Variants in FAM107B observed in about 807,000 individuals in gnomAD.
FAM107B encodes family with sequence similarity 107 member B.
A neutral mutation model predicts 31.5 loss-of-function variants in FAM107B; 21 were observed. That is an observed-to-expected ratio of 0.67 (90% confidence interval 0.47 to 0.96). The LOEUF (loss-of-function observed/expected upper bound fraction) is 0.96, where lower values mean the gene tolerates loss of function less well. Among genes scored for constraint, FAM107B ranks in the 40% least tolerant of loss-of-function variants. The pLI, the probability that FAM107B is intolerant of heterozygous loss-of-function variation, is 0.00. For synonymous variants in FAM107B, 157 were observed against 141.5 expected, an observed-to-expected ratio of 1.11 and a Z score of -0.78; for missense variants, 452 against 377.1, an observed-to-expected ratio of 1.20 and a Z score of -1.64.
At chr10:14,762,752 TCTCACACACACACACACA>T (rs1253885580) in intron 1 of FAM107B, among the ~76,000 whole-genome samples, 11 of 117,578 alleles carry the variant, frequency 9.4e-5, no homozygotes, top group East Asian at 4.6e-4. Flanking sequence ...TGAAACTCTG[TCTCACACACACACACACA>T]CACACACACA....
chr10:14,570,233 G>GGGGTGTGTGTGTGTGTGTGTGTGT (rs1554835078), intron 2 of FAM107B, among the ~76,000 whole-genome samples: 46 of 140,426 alleles, frequency 3.3e-4, no homozygotes, highest in Middle Eastern at 7.2e-3. Context: ...AAATGTGGTG[G>GGGGTGTGTGTGTGTGTGTGTGTGT]GTGTGTGTGT....
chr10:14,598,127 C>T (rs985803925), intron 2 of FAM107B, among the ~76,000 whole-genome samples: 2 of 152,162 alleles, frequency 1.3e-5, no homozygotes, highest in African/African-American at 4.8e-5. Flanking sequence ...CCACAGGTTG[C>T]CTTTTCACTC....
intron 2 of FAM107B, among the ~76,000 whole-genome samples, chr10:14,629,502 ATT>A (rs1491483200): frequency 2.6e-5 from 3 of 116,180 alleles, no homozygotes; most frequent in African/African-American, 3.5e-5. Context: ...ATATATATAT[ATT>A]TAATATATAT....
chr10:14,548,375 CA>C (rs1413059318), intron 2 of FAM107B: 3 of 974,578 alleles, frequency 3.1e-6, no homozygotes, highest in East Asian at 1.1e-4. Flanking sequence ...CTGCCAGCTC[CA>C]GGGGAGGTAC....
In FAM107B at chr10:14,715,683, A is replaced by G. The variant is rs537727870; in HGVS notation, c.412-47992T>C. ...AGAACAGAAAGGTGGAGGAAGGGGG[A>G]ATTGACTCGCTCTTCTTGAGCTAGG... is the stretch of plus-strand genomic sequence containing the variant. On this transcript the variant is annotated intron_variant, in intron 1 of 4. Coordinates refer to ENST00000181796, the MANE Select transcript of FAM107B (RefSeq NM_031453.4). Among the ~76,000 whole-genome samples the G allele has an allele frequency of 4.6e-5, 7 of 152,226 alleles. No homozygotes were observed. In the South Asian group the frequency reaches 1.5e-3, roughly 32 times the overall value.
intron 1 of FAM107B, among the ~76,000 whole-genome samples, chr10:14,767,079 G>T (rs868856426): frequency 4.1e-5 from 4 of 97,314 alleles, no homozygotes. Context: ...GAGAGAGAGA[G>T]AGAGAGAGAG....
intron 2 of FAM107B, among the ~76,000 whole-genome samples, chr10:14,580,416 C>T (rs955945792): frequency 6.6e-6 from 1 of 151,882 alleles, no homozygotes; most frequent in Non-Finnish European, 1.5e-5. Context: ...AAGTGGTACA[C>T]ACAAGGGCTA....
intron 2 of FAM107B, among the ~76,000 whole-genome samples, chr10:14,594,321 A>G (rs1852111297): frequency 6.6e-6 from 1 of 152,118 alleles, no homozygotes; most frequent in Non-Finnish European, 1.5e-5. Context: ...ACCGGGCAAC[A>G]GAACAAGACT....
At chr10:14,768,941 C>A (rs1378810747) in intron 1 of FAM107B, among the ~76,000 whole-genome samples, 1 of 152,122 alleles carries the variant, frequency 6.6e-6, no homozygotes, top group Non-Finnish European at 1.5e-5. Context: ...CCTTGATGCT[C>A]CAACCTTCCT....
At chr10:14,537,727 C>T (rs1442741928) in intron 2 of FAM107B, among the ~76,000 whole-genome samples, 1 of 150,160 alleles carries the variant, frequency 6.7e-6, no homozygotes, top group Non-Finnish European at 1.5e-5. Context: ...ACCAGCTACT[C>T]GGGAGGCTGA....
In FAM107B at chr10:14,713,525, T is replaced by C. The variant is rs150755627; in HGVS notation, c.412-45834A>G. Among the ~76,000 whole-genome samples the C allele has an allele frequency of 8.8e-4, 134 of 152,198 alleles. 1 individual carries two copies. The East Asian group carries it at 0.012, about 14-fold the overall frequency. On this transcript the variant is annotated intron_variant, in intron 1 of 4. Coordinates refer to ENST00000181796, the MANE Select transcript of FAM107B (RefSeq NM_031453.4). ...GCGGAAAACTGAGCTGAGGGAGAAATAGACACTGGAGTTCTCTTTTCCCTA... is the reference window on the plus strand; with the variant it reads ...GCGGAAAACTGAGCTGAGGGAGAAACAGACACTGGAGTTCTCTTTTCCCTA...
intron 2 of FAM107B, among the ~76,000 whole-genome samples, chr10:14,618,785 C>T (rs1236359931): frequency 2.6e-5 from 4 of 151,950 alleles, no homozygotes; most frequent in East Asian, 1.9e-4. Flanking sequence ...TGCAGTGAGC[C>T]GAGATGATGC....
chr10:14,681,754 G>A (rs1854841229), intron 1 of FAM107B, among the ~76,000 whole-genome samples: 1 of 152,172 alleles, frequency 6.6e-6, no homozygotes, highest in Non-Finnish European at 1.5e-5. Flanking sequence ...GTGTCCAAAA[G>A]CAGAGGAGCA....
intron 2 of FAM107B, among the ~76,000 whole-genome samples, chr10:14,643,410 AT>A (rs202127820): frequency 0.11 from 15,746 of 140,090 alleles, 828 homozygotes; most frequent in East Asian, 0.14. Flanking sequence ...GGTCAGTCTA[AT>A]TTTTTTTTTT....
At chr10:14,732,930 ATAT>A (rs933483643) in intron 1 of FAM107B, among the ~76,000 whole-genome samples, 55 of 146,328 alleles carry the variant, frequency 3.8e-4, no homozygotes, top group African/African-American at 7.9e-4. Context: ...ATATTATATA[ATAT>A]TATAATTATG....
chr10:14,718,861 G>C (rs1855843751), intron 1 of FAM107B, among the ~76,000 whole-genome samples: 1 of 152,214 alleles, frequency 6.6e-6, no homozygotes, highest in Non-Finnish European at 1.5e-5. Flanking sequence ...ACTTGGCTTT[G>C]AGTGTGCCTC....
chr10:14,624,765 G>A (rs1429466904), intron 2 of FAM107B, among the ~76,000 whole-genome samples: 1 of 152,178 alleles, frequency 6.6e-6, no homozygotes, highest in Non-Finnish European at 1.5e-5. Flanking sequence ...GCAAACGCAA[G>A]AAAAGAAAAA....
At position 14,750,442 on chromosome 10, in the gene FAM107B, T is replaced by C. The variant is rs956333128; in HGVS notation, c.411+23811A>G. Among the ~76,000 whole-genome samples, 3 of 152,080 alleles carry C rather than the reference T, an allele frequency of 2.0e-5. No individual in the cohort carries two copies. In the East Asian group the frequency reaches 5.8e-4, roughly 29 times the overall value. On this transcript the variant is annotated intron_variant, in intron 1 of 4. Coordinates refer to ENST00000181796, the MANE Select transcript of FAM107B (RefSeq NM_031453.4). ...GCCTGGCCAACATGGTGAAACCCTG[T>C]CTCTATTAAAAATACAAAAATTAGC... is the stretch of plus-strand genomic sequence containing the variant.
chr10:14,582,567 C>G (rs1851673793), intron 2 of FAM107B, among the ~76,000 whole-genome samples: 1 of 151,334 alleles, frequency 6.6e-6, no homozygotes, highest in Non-Finnish European at 1.5e-5. Context: ...TTAGTAGAGA[C>G]AGGGTTTCAC....
Sources: allele counts gnomAD v4.1 joint callset (sites outside exome capture counted in the v4.1 genomes callset), GRCh38; gene constraint gnomAD v4.1.1; transcripts MANE v1.5; gene names NCBI Gene and HGNC (gene_info 2026-07-23, HGNC 2026-07-21).